Variants in ZNF451 observed in about 807,000 individuals in gnomAD.
ZNF451 encodes the protein E3 SUMO-protein ligase ZNF451.
In ZNF451, 80 loss-of-function variants were observed where a neutral mutation model predicts 107.1. The ratio of observed to expected loss-of-function variants is 0.75; its 90% CI spans 0.62 to 0.90. The LOEUF is 0.90. Ranked by LOEUF, ZNF451 falls within the 40% of genes least tolerant of loss-of-function variation. The pLI is 0.00. For synonymous variants in ZNF451, 362 were observed against 406.5 expected, an observed-to-expected ratio of 0.89 and a Z score of 1.32; for missense variants, 1,107 against 1,236.2, an observed-to-expected ratio of 0.90 and a Z score of 1.57.
At chr6:57,142,194 A>G in intron 9 of ZNF451, 99 bp downstream of exon 9, 1 of 1,387,904 alleles carries the variant, frequency 7.2e-7, no homozygotes, top group Non-Finnish European at 9.7e-7. Context: ...CTCCTTTTAA[A>G]ATGAGAATAT....
At chr6:57,142,549 T>G (rs1831823559) in intron 9 of ZNF451, among the ~76,000 whole-genome samples, 1 of 152,252 alleles carries the variant, frequency 6.6e-6, no homozygotes, top group Non-Finnish European at 1.5e-5. Context: ...TCCTTCTTAT[T>G]GGTAAGTAGT....
chr6:57,138,744 T>TGC, intron 7 of ZNF451, among the ~76,000 whole-genome samples: 1 of 109,416 alleles, frequency 9.1e-6, no homozygotes, highest in Non-Finnish European at 1.9e-5. Context: ...TATATATATG[T>TGC]GTGTGTGTGT....
At chr6:57,092,869 A>C (rs1037956301) in intron 2 of ZNF451, 5 of 152,346 alleles carry the variant, frequency 3.3e-5, no homozygotes, top group African/African-American at 9.6e-5. Flanking sequence ...GAAAGGAGTG[A>C]TATAGATATG....
At chr6:57,131,705 C>T (rs1831185396) in intron 5 of ZNF451, among the ~76,000 whole-genome samples, 1 of 151,942 alleles carries the variant, frequency 6.6e-6, no homozygotes, top group Non-Finnish European at 1.5e-5. Context: ...ATCATATTGT[C>T]TTAAGGGAAT....
At chr6:57,102,561 A>G in intron 3 of ZNF451, 5 of 987,422 alleles carry the variant, frequency 5.1e-6, no homozygotes, top group Non-Finnish European at 6.0e-6. Flanking sequence ...TTCAGGCTTC[A>G]GTTTGACAGA....
At chr6:57,153,692 C>T (rs867335801) in intron 12 of ZNF451, among the ~76,000 whole-genome samples, 169 bp from the exon 13 acceptor site, 15 of 152,144 alleles carry the variant, frequency 9.9e-5, no homozygotes, top group African/African-American at 3.4e-4. Flanking sequence ...GGATTACAGG[C>T]GTGAGCCACT....
At chr6:57,125,809 T>TGTTTTA (rs150868867) in intron 4 of ZNF451, among the ~76,000 whole-genome samples, 3,200 of 152,158 alleles carry the variant, frequency 0.021, 105 homozygotes, top group African/African-American at 0.072. Context: ...GGTATTCTAA[T>TGTTTTA]TGTATGTTTT....
In ZNF451 at chr6:57,105,523, C is replaced by T. The variant is rs567076450; in HGVS notation, c.186+6382C>T. ...TGTACAATTGCACTATCTAAATGTA[C>T]TCCCTTCTGAATGTTAATTTGTTTT... is the stretch of plus-strand genomic sequence containing the variant. On this transcript the variant is annotated intron_variant, in intron 3 of 14. Coordinates refer to ENST00000370706, the MANE Select transcript of ZNF451 (RefSeq NM_001031623.3). 7 of 985,346 alleles carry T rather than the reference C, an allele frequency of 7.1e-6. No individual in the cohort carries two copies. In the African/African-American group the frequency reaches 1.2e-4, roughly 17 times the overall value. 61.0% of individuals were successfully genotyped at this position (985,346 alleles called of 1,614,324 possible).
intron 9 of ZNF451, among the ~76,000 whole-genome samples, chr6:57,143,908 A>G (rs1052690323): frequency 2.4e-4 from 37 of 152,350 alleles, no homozygotes; most frequent in African/African-American, 8.4e-4. Context: ...TACAACCTCA[A>G]TGAACTTTGA....
chr6:57,148,759 G>A lies in ZNF451; in HGVS notation c.2608+66G>A, dbSNP rs891724091. ...TTGAAACTTACAATGTACCCACCTC[G>A]ATTCAATTTTGAAGCAAGAAACAGG... is the stretch of plus-strand genomic sequence containing the variant. On this transcript the variant is annotated intron_variant, in intron 10 of 14. Coordinates refer to ENST00000370706, the MANE Select transcript of ZNF451 (RefSeq NM_001031623.3). 7.6e-6 allele frequency: 11 copies of A among 1,443,076 alleles called. No homozygotes were observed. In the African/African-American group the frequency reaches 1.4e-4, roughly 19 times the overall value. The allele number at this position is 1,443,076 out of a possible 1,614,324, so 89.4% of individuals were successfully genotyped here. A position where few individuals can be genotyped will look rare whatever the true frequency, so the allele number is the denominator to read the frequency against.
intron 12 of ZNF451, 84 bp from the exon 13 acceptor site, chr6:57,153,777 C>T (rs1763263206): frequency 1.1e-5 from 15 of 1,348,352 alleles, no homozygotes; most frequent in Middle Eastern, 2.6e-4. Flanking sequence ...CCTTCCTAGG[C>T]ATGTGTTCAT....
intron 3 of ZNF451, chr6:57,103,167 C>T (rs1241303511): frequency 2.0e-6 from 2 of 985,282 alleles, no homozygotes; most frequent in African/African-American, 3.5e-5. Context: ...CCAAACATGC[C>T]TGACAATCTT....
intron 2 of ZNF451, among the ~76,000 whole-genome samples, chr6:57,095,694 T>C (rs76297693): frequency 1.2e-3 from 176 of 152,276 alleles, no homozygotes; most frequent in Non-Finnish European, 2.1e-3. Flanking sequence ...ATAAAATTAT[T>C]GTTCTTCAGT....
chr6:57,160,512 T>G lies in ZNF451; in HGVS notation c.3071-572T>G, dbSNP rs555032751. On this transcript the variant is annotated intron_variant, in intron 13 of 14. Coordinates refer to ENST00000370706, the MANE Select transcript of ZNF451 (RefSeq NM_001031623.3). ...CCATACCTGGCTAATTTTTTGTATT[T>G]TTGGTAGAGACAGGGTTTTGCTGTG... Among the ~76,000 whole-genome samples the G allele has an allele frequency of 6.8e-4, 104 of 152,212 alleles. 1 individual carries two copies. Among genetic ancestry groups the G allele is most frequent in the African/African-American group, 2.4e-3 (99 of 41,536 alleles).
chr6:57,136,663 T>G (rs1360348879), intron 7 of ZNF451, among the ~76,000 whole-genome samples: 1 of 152,182 alleles, frequency 6.6e-6, no homozygotes, highest in East Asian at 1.9e-4. Flanking sequence ...TTTCCAGAAT[T>G]AGAGTTCTTT....
In ZNF451 at chr6:57,141,466, A is replaced by C. The variant is rs1831755389; in HGVS notation, c.856+11A>C. Reference sequence around the variant, plus strand: ...GTTTCAAACTGGGTGGTATGTTAATACTCTCTTCTGCTGAAAATTAAACTA... The same window carrying C: ...GTTTCAAACTGGGTGGTATGTTAATCCTCTCTTCTGCTGAAAATTAAACTA... On this transcript the variant is annotated intron_variant, in intron 8 of 14. Transcript: ENST00000370706. 6.3e-7 allele frequency: 1 copy of C among 1,596,032 alleles called. No homozygotes were observed. The highest frequency in any genetic ancestry group is 1.1e-5 in the South Asian group (1 of 87,628).
At position 57,161,158 on chromosome 6, in the gene ZNF451, C is replaced by T. The variant is rs747630383; in HGVS notation, c.3139+6C>T. The T allele has an allele frequency of 1.4e-6, 2 of 1,472,814 alleles. No individual in the cohort carries two copies. Among genetic ancestry groups the T allele is most frequent in the East Asian group, 4.9e-5 (2 of 40,702 alleles). The allele number at this position is 1,472,814 out of a possible 1,614,324, so 91.2% of individuals were successfully genotyped here. On this transcript the variant is annotated splice_donor_region_variant and intron_variant, in intron 14 of 14. Transcript: ENST00000370706. ...AGAATTTATATCCACAGAAGGTAACCTAATAGAGTTAATCTCTTTTCTACT... is the reference window on the plus strand; with the variant it reads ...AGAATTTATATCCACAGAAGGTAACTTAATAGAGTTAATCTCTTTTCTACT...
At position 57,124,726 on chromosome 6, in the gene ZNF451, T is replaced by A; in HGVS notation, c.187-8T>A. On this transcript the variant is annotated splice_region_variant and splice_polypyrimidine_tract_variant and intron_variant, in intron 3 of 14. Transcript: ENST00000370706. ...TTAAAAGGAATGAAAATTTTTTTCA[T>A]GTTATAGGAGAATATTAAACGTAAA... The A allele has an allele frequency of 1.3e-6, 2 of 1,567,244 alleles. No individual in the cohort carries two copies. Among genetic ancestry groups the A allele is most frequent in the Non-Finnish European group, 1.8e-6 (2 of 1,142,448 alleles).
chr6:57,131,480 A>C (rs1831175477), intron 5 of ZNF451, among the ~76,000 whole-genome samples: 1 of 152,186 alleles, frequency 6.6e-6, no homozygotes, highest in African/African-American at 2.4e-5. Context: ...AACAGTTTTC[A>C]TAATTCTTAC....
Sources: gnomAD v4.1 joint callset for allele counts (sites outside exome capture counted in the v4.1 genomes callset) on GRCh38, gnomAD v4.1.1 for gene constraint, MANE v1.5 for transcripts, NCBI Gene and HGNC (gene_info 2026-07-23, HGNC 2026-07-21) for gene names.